SLCO1A2: variants seen among roughly 807,000 people sequenced by gnomAD.
SLCO1A2 encodes the protein solute carrier organic anion transporter family member 1A2, also known as OATP-1.
A neutral mutation model predicts 69.0 loss-of-function variants in SLCO1A2; 67 were observed. The observed-to-expected ratio is 0.97, with a 90% CI of 0.80 to 1.19. SLCO1A2 has a LOEUF of 1.19. Among genes scored for constraint, SLCO1A2 ranks in the 50% most tolerant of loss-of-function variants. The probability of loss-of-function intolerance (pLI) is 0.00; values close to 1 mark genes in which losing one functional copy is unlikely to be tolerated. For missense variants in SLCO1A2, 787 were observed against 793.7 expected (o/e 0.99, Z 0.10); for synonymous variants, 260 against 265.9 (o/e 0.98, Z 0.22).
intron 10 of SLCO1A2, 76 bp from the exon 11 acceptor site, chr12:21,294,186 C>G: frequency 8.6e-7 from 1 of 1,166,202 alleles, no homozygotes; most frequent in Non-Finnish European, 1.2e-6. Flanking sequence ...ATCTCAATCC[C>G]CAGTTAGATT....
rs1406410247 is a variant in SLCO1A2, at chr12:21,274,501, C to T, written c.1761G>A (p.Gly587=). The change falls in exon 14 of 15, where the codon GGG becomes GGA. Residue 587 remains glycine (G), a synonymous_variant. Coordinates refer to ENST00000683939, the MANE Select transcript of SLCO1A2 (RefSeq NM_001386879.1). ...HWGTLKCGES[G]ACRIYDSTTF... ...TGGTGGAATCATATATCCTGCATGC[C>T]CCTGACTCACCACATTTCAAAGTTC... 18 of 1,612,994 alleles carry T rather than the reference C, an allele frequency of 1.1e-5. No individual in the cohort carries two copies. Among genetic ancestry groups the T allele is most frequent in the Non-Finnish European group, 1.4e-5 (17 of 1,179,190 alleles).
intron 8 of SLCO1A2, among the ~76,000 whole-genome samples, chr12:21,299,905 CGT>C (rs1565482583): frequency 4.4e-5 from 5 of 114,680 alleles, no homozygotes; most frequent in African/African-American, 1.3e-4. Flanking sequence ...TATATATATA[CGT>C]GTGTGTATAT....
chr12:21,371,723 A>C lies in SLCO1A2; in HGVS notation c.-63+2676T>G, dbSNP rs185509165. On this transcript the variant is annotated intron_variant, in intron 2 of 15. Coordinates refer to the SLCO1A2 transcript ENST00000307378. ...TAATTTAGAAATACAAAAAAAGAGG[A>C]TGGGTGCGGTGGCTGACGCCTGTAA... 1.0e-3 allele frequency among the ~76,000 whole-genome samples: 157 copies of C among 152,212 alleles called. 1 individual carries two copies. The highest frequency in any genetic ancestry group is 3.6e-3 in the African/African-American group (149 of 41,556).
chr12:21,287,695 G>A (rs1946134832), intron 12 of SLCO1A2, among the ~76,000 whole-genome samples: 1 of 123,206 alleles, frequency 8.1e-6, no homozygotes, highest in Admixed American at 8.1e-5. Flanking sequence ...AAAATGATGA[G>A]TTCATGTCCT....
intron 2 of SLCO1A2, among the ~76,000 whole-genome samples, chr12:21,350,603 G>A (rs1050659214): frequency 4.6e-5 from 7 of 151,930 alleles, no homozygotes; most frequent in Non-Finnish European, 7.4e-5. Flanking sequence ...TTGGGAGGCC[G>A]AGGCGGGTGG....
intron 9 of SLCO1A2, among the ~76,000 whole-genome samples, chr12:21,296,550 CTT>C (rs34639930): frequency 0.058 from 8,837 of 152,154 alleles, 631 homozygotes; most frequent in East Asian, 0.35. Context: ...GTTCAAGGTA[CTT>C]TAGAGAGTCA....
chr12:21,295,758 A>G lies in SLCO1A2; in HGVS notation c.1110T>C (p.Tyr370=), dbSNP rs778383543. 1 of 1,592,182 alleles carries G rather than the reference A, an allele frequency of 6.3e-7. No homozygotes were observed. The highest frequency in any genetic ancestry group is 8.6e-7 in the Non-Finnish European group (1 of 1,160,552). Residue 370 remains tyrosine, a synonymous_variant, in exon 10 of 15, where the codon TAT becomes TAC. Coordinates refer to ENST00000683939, the MANE Select transcript of SLCO1A2 (RefSeq NM_001386879.1). ...TCTTCATAATTAAACCACCAATTAT[A>G]TATCCAATACATATTGGAGGTAAGT... The part of the protein sequence containing the change: ...IYNLPPICIG[Y]IIGGLIMKKF...
rs533350510 is a variant in SLCO1A2, at chr12:21,316,385, C to T, written c.203-1704G>A. ...CCATATTCATAGATTCCGCTTTTCC[C>T]CCCTCCCTAATCCCCTATCGTCGCT... On this transcript the variant is annotated intron_variant, in intron 3 of 14. Coordinates refer to ENST00000683939, the MANE Select transcript of SLCO1A2 (RefSeq NM_001386879.1). Among the ~76,000 whole-genome samples, 3 of 152,240 alleles carry T rather than the reference C, an allele frequency of 2.0e-5. No homozygotes were observed. In the South Asian group the frequency reaches 6.2e-4, roughly 32 times the overall value.
At chr12:21,379,074 A>G (rs1316438177) in intron 1 of SLCO1A2, 1 of 152,084 alleles carries the variant, frequency 6.6e-6, no homozygotes, top group East Asian at 1.9e-4. Flanking sequence ...GACTCGTCTC[A>G]AAAAAAAGAA....
At chr12:21,350,708 G>A (rs913446599) in intron 2 of SLCO1A2, among the ~76,000 whole-genome samples, 12 of 151,380 alleles carry the variant, frequency 7.9e-5, no homozygotes, top group South Asian at 4.2e-4. Context: ...GTGGTGGCAC[G>A]CACCTGTAGT....
At chr12:21,329,432 T>C (rs1351456538) in intron 2 of SLCO1A2, among the ~76,000 whole-genome samples, 3 of 151,944 alleles carry the variant, frequency 2.0e-5, no homozygotes, top group Non-Finnish European at 2.9e-5. Flanking sequence ...GCCTTAAGGA[T>C]CAACCCAGCA....
intron 2 of SLCO1A2, among the ~76,000 whole-genome samples, chr12:21,362,971 C>T (rs1031762905): frequency 6.6e-6 from 1 of 152,154 alleles, no homozygotes; most frequent in African/African-American, 2.4e-5. Context: ...CCACTGTGAA[C>T]ATTAGACAGA....
rs1296631129 is a variant in SLCO1A2, at chr12:21,265,091, T to C, written c.*4457A>G. 2.0e-5 allele frequency: 3 copies of C among 152,242 alleles called. No homozygotes were observed. The highest frequency in any genetic ancestry group is 2.9e-5 in the Non-Finnish European group (2 of 68,074). 9.4% of individuals were successfully genotyped at this position (152,242 alleles called of 1,614,324 possible). A position where few individuals can be genotyped will look rare whatever the true frequency, so the allele number is the denominator to read the frequency against. On this transcript the variant is annotated 3_prime_UTR_variant, in exon 15 of 15. Coordinates refer to ENST00000683939, the MANE Select transcript of SLCO1A2 (RefSeq NM_001386879.1). ...AGTTTTGTGTGGTAGCTCTGGTGTATTAAAATAAAACATCAATTGTATGAG... is the reference window on the plus strand; with the variant it reads ...AGTTTTGTGTGGTAGCTCTGGTGTACTAAAATAAAACATCAATTGTATGAG...
chr12:21,272,454 T>TTGA (rs1476499861), intron 14 of SLCO1A2, among the ~76,000 whole-genome samples: 8 of 151,856 alleles, frequency 5.3e-5, no homozygotes, highest in African/African-American at 1.9e-4. Context: ...TGAGGTTATG[T>TTGA]TGATAGATTT....
At chr12:21,317,842 T>C (rs929057555) in intron 3 of SLCO1A2, among the ~76,000 whole-genome samples, 17 of 152,354 alleles carry the variant, frequency 1.1e-4, no homozygotes, top group African/African-American at 3.1e-4. Context: ...ATAACTTTTT[T>C]CATGGAAGAA....
chr12:21,318,881 G>C lies in SLCO1A2; in HGVS notation c.103C>G (p.Leu35Val), dbSNP rs765096025. 1.2e-5 allele frequency: 20 copies of C among 1,607,490 alleles called. No individual in the cohort carries two copies. The highest frequency in any genetic ancestry group is 1.6e-5 in the Non-Finnish European group (19 of 1,176,802). The stretch of plus-strand genomic sequence containing the variant: ...ATGGAATTCATATAAGATCCAGACA[G>C]TGTTTTGGATACAAATGCACATGTT... ...AITCAFVSKTLSGSYMNSMLT... is the reference protein window; with the variant it reads ...AITCAFVSKTVSGSYMNSMLT... The change falls in exon 3 of 15, where the codon CTG (leucine) becomes GTG (valine). Residue 35 changes from leucine to valine, a missense_variant. Physicochemically the swap from Leu to Val is conservative, Grantham distance 32. Transcript: ENST00000683939.
intron 12 of SLCO1A2, among the ~76,000 whole-genome samples, chr12:21,291,143 A>G (rs1243565859): frequency 6.6e-6 from 1 of 152,196 alleles, no homozygotes; most frequent in African/African-American, 2.4e-5. Flanking sequence ...GGATTAGTCA[A>G]CATCACAAAG....
intron 1 of SLCO1A2, among the ~76,000 whole-genome samples, chr12:21,401,438 T>G (rs1941701002): frequency 6.6e-6 from 1 of 151,824 alleles, no homozygotes; most frequent in African/African-American, 2.4e-5. Context: ...AATTTTATAT[T>G]GAAGGTCATC....
chr12:21,408,708 G>A (rs914844870), intron 1 of SLCO1A2, among the ~76,000 whole-genome samples: 8 of 110,930 alleles, frequency 7.2e-5, no homozygotes, highest in African/African-American at 2.1e-4. Flanking sequence ...CTGCCTCAGC[G>A]CATGCGTGTG....
Sources: gnomAD v4.1 joint callset for allele counts (sites outside exome capture counted in the v4.1 genomes callset) on GRCh38, gnomAD v4.1.1 for gene constraint, MANE v1.5 for transcripts, NCBI Gene and HGNC (gene_info 2026-07-23, HGNC 2026-07-21) for gene names.